Variants in PRKCZ observed in about 807,000 individuals in gnomAD.
PRKCZ encodes the protein protein kinase C zeta, also known as protein kinase C zeta type.
A neutral mutation model predicts 79.5 loss-of-function variants in PRKCZ; 33 were observed. The observed-to-expected ratio is 0.41, with a 90% confidence interval of 0.31 to 0.55. PRKCZ has a LOEUF of 0.55. PRKCZ is among the 20% of genes least tolerant of loss of function. PRKCZ has a pLI of 0.19. For synonymous variants in PRKCZ, 342 were observed against 320.9 expected (o/e 1.07, Z -0.70); for missense variants, 578 against 813.5 (o/e 0.71, Z 3.52).
chr1:2,112,712 A>G (rs1256498142), intron 4 of PRKCZ, among the ~76,000 whole-genome samples: 2 of 150,080 alleles, frequency 1.3e-5, no homozygotes, highest in Non-Finnish European at 3.0e-5. Context: ...TTTTGGAGAC[A>G]GAGTCTTGCT....
Position 2,075,965 on chromosome 1 carries a change from C to A in PRKCZ, c.334+16374C>A, listed in dbSNP as rs998658118. 1.3e-5 allele frequency among the ~76,000 whole-genome samples: 2 copies of A among 152,306 alleles called. No individual in the cohort carries two copies. The highest frequency in any genetic ancestry group is 2.4e-5 in the African/African-American group (1 of 41,568). On this transcript the variant is annotated intron_variant, in intron 4 of 17. Coordinates refer to ENST00000378567, the MANE Select transcript of PRKCZ (RefSeq NM_002744.6). This position sits in a 1 kb window ranked among gnomAD's most constrained non-coding sequence, Gnocchi z 4.8. ...ACATGGAGGTTGAACTGTTGGGGGG[C>A]GGGAGGACCATCCATGGGGTCAGGC...
chr1:2,099,617 C>A (rs552471848), intron 4 of PRKCZ, among the ~76,000 whole-genome samples: 20 of 152,132 alleles, frequency 1.3e-4, no homozygotes, highest in Admixed American at 1.2e-3. Context: ...GCCGGGGGCA[C>A]GGCACAGGCT....
rs560764956 is a variant in PRKCZ, at chr1:2,082,637, T to G, written c.334+23046T>G. On this transcript the variant is annotated intron_variant, in intron 4 of 17. Transcript: ENST00000378567. The surrounding 1 kb of genome is among the most constrained non-coding windows in gnomAD (Gnocchi z 4.4). ...AGGCTGCCGAAGTGGAGGGGTTCAG[T>G]GAAGGTGGAGTTGGGCAAGGGCGTA... is the stretch of plus-strand genomic sequence containing the variant. Among the ~76,000 whole-genome samples the G allele has an allele frequency of 6.6e-6, 1 of 152,158 alleles. No individual in the cohort carries two copies. The highest frequency in any genetic ancestry group is 2.4e-5 in the African/African-American group (1 of 41,502).
intron 4 of PRKCZ, among the ~76,000 whole-genome samples, chr1:2,090,444 T>C (rs1419755991): frequency 6.6e-6 from 1 of 152,110 alleles, no homozygotes; most frequent in African/African-American, 2.4e-5. Context: ...GTGCCCTGTG[T>C]CCCCACAGGA....
chr1:2,183,218 G>C (rs1049639323), intron 16 of PRKCZ, among the ~76,000 whole-genome samples: 3 of 103,502 alleles, frequency 2.9e-5, no homozygotes, highest in Non-Finnish European at 5.7e-5. Flanking sequence ...GAGACAGAGC[G>C]AGTCTCAAAA....
chr1:2,178,529 G>A lies in PRKCZ; in HGVS notation c.1575+3216G>A, dbSNP rs1023207754. Among the ~76,000 whole-genome samples, 1 of 151,670 alleles carries A rather than the reference G, an allele frequency of 6.6e-6. No individual in the cohort carries two copies. The highest frequency in any genetic ancestry group is 2.4e-5 in the African/African-American group (1 of 40,994). ...CTTCTGGGTGGACTCGTGCTGCTGT[G>A]AGCACCTGTGAACCCGCTTCTGGGT... On this transcript the variant is annotated intron_variant, in intron 16 of 17. Transcript: ENST00000378567. This position sits in a 1 kb window ranked among gnomAD's most constrained non-coding sequence, Gnocchi z 4.3.
chr1:2,124,599 G>A (rs1008578400), intron 4 of PRKCZ, among the ~76,000 whole-genome samples: 15 of 152,118 alleles, frequency 9.9e-5, no homozygotes, highest in Admixed American at 1.3e-4. Flanking sequence ...CTCCAGCCTC[G>A]GAAACATGAG....
intron 4 of PRKCZ, among the ~76,000 whole-genome samples, chr1:2,108,277 CCTGTT>C (rs897789640): frequency 3.3e-5 from 5 of 152,258 alleles, no homozygotes; most frequent in African/African-American, 7.2e-5. Flanking sequence ...TGCCCGCTCA[CCTGTT>C]CTGTCCTGCT....
intron 1 of PRKCZ, chr1:2,051,040 G>A (rs934866387): frequency 8.4e-6 from 2 of 237,186 alleles, no homozygotes; most frequent in East Asian, 8.0e-5. Flanking sequence ...TCATCAAGTT[G>A]TGAAAACTCC....
Position 2,094,175 on chromosome 1 carries a change from G to A in PRKCZ, c.334+34584G>A, listed in dbSNP as rs1337122238. Among the ~76,000 whole-genome samples the A allele has an allele frequency of 6.6e-6, 1 of 152,116 alleles. No homozygotes were observed. The highest frequency in any genetic ancestry group is 1.5e-5 in the Non-Finnish European group (1 of 68,032). ...CGTCGCCATCCCTCCCCCGTCCCGG[G>A]AGCAGCCCCCCCACTTCCACCTGTC... On this transcript the variant is annotated intron_variant, in intron 4 of 17. Coordinates refer to ENST00000378567, the MANE Select transcript of PRKCZ (RefSeq NM_002744.6). This position sits in a 1 kb window ranked among gnomAD's most constrained non-coding sequence, Gnocchi z 7.3.
chr1:2,074,132 A>G, intron 4 of PRKCZ: 1 of 1,535,552 alleles, frequency 6.5e-7, no homozygotes, highest in South Asian at 1.2e-5. Flanking sequence ...GTGCGGCTGC[A>G]GCAGCTCCCA....
chr1:2,147,280 C>T (rs370029487), intron 7 of PRKCZ, among the ~76,000 whole-genome samples: 2 of 151,796 alleles, frequency 1.3e-5, no homozygotes, highest in African/African-American at 2.4e-5. Flanking sequence ...GTCCACTGAC[C>T]TCTCCACCCA....
chr1:2,121,954 CGGTGGTTAGGGTCACGGT>C (rs1672219657), intron 4 of PRKCZ, among the ~76,000 whole-genome samples: 1 of 2,048 alleles, frequency 4.9e-4, no homozygotes, highest in Non-Finnish European at 9.1e-4. Flanking sequence ...AGGGTCACGG[CGGTGGTTAGGGTCACGGT>C]GGTGGTTAGG....
intron 1 of PRKCZ, 146 bp from the exon 2 acceptor site, chr1:2,055,294 TG>T (rs70937055): frequency 4.4e-5 from 38 of 858,508 alleles, no homozygotes; most frequent in Non-Finnish European, 5.6e-5. Context: ...ATTTTGTGTG[TG>T]GGAGGGGGGA....
chr1:2,108,963 C>G (rs1396966906), intron 4 of PRKCZ, among the ~76,000 whole-genome samples: 3 of 152,178 alleles, frequency 2.0e-5, no homozygotes, highest in Non-Finnish European at 4.4e-5. Flanking sequence ...TCTGAAGCCG[C>G]CTGCCCCTTG....
At chr1:2,055,418 T>A in intron 1 of PRKCZ, 23 bp from the exon 2 acceptor site, 1 of 1,578,654 alleles carries the variant, frequency 6.3e-7, no homozygotes, top group Non-Finnish European at 8.6e-7. Context: ...CGGTAACAGA[T>A]GCCCATGTCC....
chr1:2,178,008 C>T lies in PRKCZ; in HGVS notation c.1575+2695C>T, dbSNP rs1685811099. Among the ~76,000 whole-genome samples, 1 of 152,226 alleles carries T rather than the reference C, an allele frequency of 6.6e-6. No individual in the cohort carries two copies. Among genetic ancestry groups the T allele is most frequent in the South Asian group, 2.1e-4 (1 of 4,838 alleles). ...TAGGAAGAAGTGTGGCTGTTTTGGC[C>T]AGATTGCTTTAGCTGTCCTCAGCAG... On this transcript the variant is annotated intron_variant, in intron 16 of 17. Transcript: ENST00000378567. This position sits in a 1 kb window ranked among gnomAD's most constrained non-coding sequence, Gnocchi z 4.3.
At chr1:2,142,646 G>A in intron 5 of PRKCZ, 1 of 188,828 alleles carries the variant, frequency 5.3e-6, no homozygotes, top group South Asian at 7.4e-5. Flanking sequence ...GGCTGATGTA[G>A]GTAGCATGTG....
intron 16 of PRKCZ, chr1:2,183,576 C>A (rs903092705): frequency 6.6e-6 from 1 of 152,316 alleles, no homozygotes; most frequent in Non-Finnish European, 1.5e-5. Flanking sequence ...AATACCTGAG[C>A]GAGCCTGGGT....
Sources: allele counts gnomAD v4.1 joint callset (sites outside exome capture counted in the v4.1 genomes callset), GRCh38; gene constraint gnomAD v4.1.1; non-coding constraint Gnocchi (gnomAD v3.1); transcripts MANE v1.5; gene names NCBI Gene and HGNC (gene_info 2026-07-23, HGNC 2026-07-21).